Variants in PALM2AKAP2 observed in about 807,000 individuals in gnomAD.
PALM2AKAP2 encodes the protein PALM2-AKAP2 fusion protein.
Under a neutral mutation model 71.5 loss-of-function variants are expected in PALM2AKAP2, and 37 were observed. The ratio of observed to expected loss-of-function variants is 0.52; its 90% CI spans 0.40 to 0.68. The LOEUF (loss-of-function observed/expected upper bound fraction) is 0.68. Ranked by LOEUF, PALM2AKAP2 falls within the 30% of genes least tolerant of loss-of-function variation. PALM2AKAP2 has a pLI of 0.00. For synonymous variants in PALM2AKAP2, 468 were observed against 478.8 expected (o/e 0.98, Z 0.29); for missense variants, 1,224 against 1,191.8 (o/e 1.03, Z -0.40).
chr9:110,044,069 T>C (rs925333925), upstream of PALM2AKAP2, among the ~76,000 whole-genome samples: 1 of 152,110 alleles, frequency 6.6e-6, no homozygotes, highest in Non-Finnish European at 1.5e-5. Flanking sequence ...AATTTTCTTA[T>C]TGATTTGCAA....
chr9:109,751,543 T>C (rs772312854), intron 1 of PALM2AKAP2, among the ~76,000 whole-genome samples: 5 of 152,194 alleles, frequency 3.3e-5, no homozygotes, highest in Admixed American at 6.5e-5. Context: ...AAGTCATATG[T>C]ACACATAATA....
chr9:109,737,971 G>A (rs1290616799), intron 1 of PALM2AKAP2, among the ~76,000 whole-genome samples: 1 of 152,196 alleles, frequency 6.6e-6, no homozygotes, highest in African/African-American at 2.4e-5. Flanking sequence ...TGATGCCTTG[G>A]CATGGAAAAT....
chr9:109,928,306 C>A (rs1689337429), intron 5 of PALM2AKAP2, among the ~76,000 whole-genome samples: 5 of 152,184 alleles, frequency 3.3e-5, no homozygotes, highest in African/African-American at 1.2e-4. Flanking sequence ...CAATTTGTTT[C>A]TCTGGCTTTA....
chr9:110,118,445 G>A (rs1375813929), intron 1 of PALM2AKAP2, among the ~76,000 whole-genome samples: 3 of 151,746 alleles, frequency 2.0e-5, no homozygotes, highest in South Asian at 2.1e-4. Context: ...ACAGGATTTC[G>A]CAACGTTGGC....
At chr9:109,744,389 T>A (rs1339169031) in intron 1 of PALM2AKAP2, among the ~76,000 whole-genome samples, 4 of 152,126 alleles carry the variant, frequency 2.6e-5, no homozygotes, top group African/African-American at 4.8e-5. Flanking sequence ...TGAATAACAA[T>A]TTTTTTATGA....
rs1198538795 is a variant in PALM2AKAP2 at position 110,135,152 on chromosome 9, C to CAAAAAAAA, written c.157-969_157-962dup. On this transcript the variant is annotated intron_variant, in intron 1 of 3. Transcript: ENST00000374525. ...GAGACATGGAGGAACTCTGTCTCTA[C>CAAAAAAAA]AAAAAAAAAAAAATATATAAATATA... Among the ~76,000 whole-genome samples the CAAAAAAAA allele has an allele frequency of 1.6e-3, 43 of 26,976 alleles. 1 individual carries two copies. The highest frequency in any genetic ancestry group is 2.7e-3 in the South Asian group (2 of 748). The allele number at this position is 26,976 out of a possible 152,430, so 17.7% of individuals were successfully genotyped here.
At chr9:109,702,041 C>A (rs1057495321) in intron 1 of PALM2AKAP2, among the ~76,000 whole-genome samples, 12 of 152,190 alleles carry the variant, frequency 7.9e-5, no homozygotes, top group African/African-American at 2.2e-4. Flanking sequence ...CCACAATGAG[C>A]TACCATCTCA....
At chr9:109,811,646 A>G (rs185234837) in intron 1 of PALM2AKAP2, among the ~76,000 whole-genome samples, 14 of 152,254 alleles carry the variant, frequency 9.2e-5, no homozygotes, top group African/African-American at 3.1e-4. Flanking sequence ...ATCATAGCTC[A>G]CTGCAGCCTT....
chr9:109,840,833 AG>A (rs1208076962), intron 1 of PALM2AKAP2, among the ~76,000 whole-genome samples: 1 of 152,226 alleles, frequency 6.6e-6, no homozygotes, highest in Non-Finnish European at 1.5e-5. Flanking sequence ...ATCTCATACC[AG>A]TTAGAATGGC....
At chr9:109,886,728 GT>G (rs1230157938) in intron 3 of PALM2AKAP2, among the ~76,000 whole-genome samples, 11 of 152,216 alleles carry the variant, frequency 7.2e-5, no homozygotes, top group Admixed American at 7.2e-4. Flanking sequence ...AATTTGAGGA[GT>G]TGGTTAGAGA....
At chr9:109,842,227 T>C (rs1281071337) in intron 1 of PALM2AKAP2, among the ~76,000 whole-genome samples, 2 of 152,182 alleles carry the variant, frequency 1.3e-5, no homozygotes, top group Non-Finnish European at 2.9e-5. Flanking sequence ...AGGACCATCC[T>C]TTATAGTGTG....
At chr9:109,708,080 C>T (rs1828170380) in intron 1 of PALM2AKAP2, among the ~76,000 whole-genome samples, 1 of 152,156 alleles carries the variant, frequency 6.6e-6, no homozygotes, top group Non-Finnish European at 1.5e-5. Context: ...CACTATCTTT[C>T]TTCTTTAAAT....
At chr9:110,016,096 G>A (rs377044079) in intron 7 of PALM2AKAP2, 57 bp downstream of exon 7, 674 of 1,548,000 alleles carry the variant, frequency 4.4e-4, no homozygotes, top group Middle Eastern at 8.4e-4. Flanking sequence ...AAAGGCAGCC[G>A]ATGGCAGGTT....
At chr9:110,082,119 C>T (rs2096590366) in intron 1 of PALM2AKAP2, among the ~76,000 whole-genome samples, 1 of 152,102 alleles carries the variant, frequency 6.6e-6, no homozygotes, top group African/African-American at 2.4e-5. Flanking sequence ...CAGAGTCTCG[C>T]TCTTGTTGCC....
chr9:109,991,592 G>A (rs941448809), intron 6 of PALM2AKAP2, among the ~76,000 whole-genome samples: 6 of 152,262 alleles, frequency 3.9e-5, no homozygotes, highest in East Asian at 1.9e-4. Context: ...TGTCACTTTC[G>A]AAGATTCTCA....
At chr9:109,866,194 T>C (rs994192128) in intron 1 of PALM2AKAP2, among the ~76,000 whole-genome samples, 4 of 152,236 alleles carry the variant, frequency 2.6e-5, no homozygotes, top group African/African-American at 9.6e-5. Flanking sequence ...ATAGCAATGG[T>C]ACAATCATAG....
exon 4 of PALM2AKAP2, chr9:110,170,938 T>G (rs1587890188): frequency 6.6e-6 from 1 of 152,552 alleles, no homozygotes; most frequent in Non-Finnish European, 1.5e-5. Flanking sequence ...ACAGTGGCAG[T>G]TAGGATGGCT....
At chr9:109,905,336 G>C (rs1372073988) in intron 3 of PALM2AKAP2, among the ~76,000 whole-genome samples, 1 of 152,114 alleles carries the variant, frequency 6.6e-6, no homozygotes, top group Non-Finnish European at 1.5e-5. Context: ...GCCTCCCAGG[G>C]GGCACGCATG....
chr9:109,863,858 T>A (rs768830211), intron 1 of PALM2AKAP2, among the ~76,000 whole-genome samples: 96 of 152,242 alleles, frequency 6.3e-4, no homozygotes, highest in Non-Finnish European at 1.2e-3. Context: ...GGTGGGTGGA[T>A]CACCTGAGGT....
Sources: gnomAD v4.1 joint callset for allele counts (sites outside exome capture counted in the v4.1 genomes callset) on GRCh38, gnomAD v4.1.1 for gene constraint, MANE v1.5 for transcripts, NCBI Gene and HGNC (gene_info 2026-07-23, HGNC 2026-07-21) for gene names.